TAFA5: variants seen among roughly 807,000 people sequenced by gnomAD.
The protein encoded by TAFA5 is chemokine-like protein TAFA-5.
TAFA5 carries 6 observed loss-of-function variants against 15.3 expected under a neutral mutation model. The observed-to-expected ratio is 0.39, with a 90% CI of 0.21 to 0.77. The LOEUF is 0.77. Among genes scored for constraint, TAFA5 ranks in the 30% least tolerant of loss-of-function variants. TAFA5 has a pLI of 0.41. For missense variants in TAFA5, 161 were observed against 193.1 expected, an observed-to-expected ratio of 0.83 and a Z score of 0.98; for synonymous variants, 103 against 80.7, an observed-to-expected ratio of 1.28 and a Z score of -1.48.
At chr22:48,666,688 G>A (rs1434375669) in intron 2 of TAFA5, among the ~76,000 whole-genome samples, 1 of 152,208 alleles carries the variant, frequency 6.6e-6, no homozygotes, top group African/African-American at 2.4e-5. Context: ...CCCCGTGACA[G>A]CGTCACACCG....
At chr22:48,593,625 T>C (rs1452466358) in intron 1 of TAFA5, among the ~76,000 whole-genome samples, 1 of 152,116 alleles carries the variant, frequency 6.6e-6, no homozygotes, top group African/African-American at 2.4e-5. Flanking sequence ...TTGCTTAAAA[T>C]TGCACCTTCA....
At position 48,552,643 on chromosome 22, in the gene TAFA5, C is replaced by G. The variant is rs1303864611; in HGVS notation, c.112+62939C>G. ...GGAGTTGCGGGCAGGGTGGGAGACC[C>G]CTTCCAGAGGGGCCCCTGTAGATTA... is the stretch of plus-strand genomic sequence containing the variant. On this transcript the variant is annotated intron_variant, in intron 1 of 3. Transcript: ENST00000402357. This position sits in a 1 kb window ranked among gnomAD's most constrained non-coding sequence, Gnocchi z 4.1. Among the ~76,000 whole-genome samples, 1 of 152,158 alleles carries G rather than the reference C, an allele frequency of 6.6e-6. No homozygotes were observed. Among genetic ancestry groups the G allele is most frequent in the East Asian group, 1.9e-4 (1 of 5,186 alleles).
At position 48,635,853 on chromosome 22, in the gene TAFA5, C is replaced by T. The variant is rs1442259245; in HGVS notation, c.113-10744C>T. Among the ~76,000 whole-genome samples the T allele has an allele frequency of 2.0e-5, 3 of 152,194 alleles. No homozygotes were observed. The East Asian group carries it at 5.8e-4, about 29-fold the overall frequency. ...GAGCAGCCCCAGTCATTGTTGTAAT[C>T]GCAGCCATTGTTGCTTTTTTATTTG... On this transcript the variant is annotated intron_variant, in intron 1 of 3. Transcript: ENST00000402357.
intron 1 of TAFA5, among the ~76,000 whole-genome samples, chr22:48,495,204 A>G (rs1928284599): frequency 6.6e-6 from 1 of 152,102 alleles, no homozygotes; most frequent in African/African-American, 2.4e-5. Context: ...AGGAGGCAGG[A>G]GTGGTGGAGC....
chr22:48,548,901 G>C (rs1922768184), intron 1 of TAFA5, among the ~76,000 whole-genome samples: 1 of 152,208 alleles, frequency 6.6e-6, no homozygotes, highest in African/African-American at 2.4e-5. Flanking sequence ...AAAGTCATTT[G>C]GTTTCACTGA....
rs1930440012 is a variant in TAFA5, at chr22:48,750,066, G to A, written c.*219G>A. ...GCCGGACTCAGACACATAGGCGGGGGGCGGCACCTGGCATCAGCAATACGC... is the reference window on the plus strand; with the variant it reads ...GCCGGACTCAGACACATAGGCGGGGAGCGGCACCTGGCATCAGCAATACGC... On this transcript the variant is annotated 3_prime_UTR_variant, in exon 4 of 4. Coordinates refer to ENST00000402357, the MANE Select transcript of TAFA5 (RefSeq NM_001082967.3). The A allele has an allele frequency of 1.7e-6, 1 of 593,890 alleles. No homozygotes were observed. Among genetic ancestry groups the A allele is most frequent in the Non-Finnish European group, 3.0e-6 (1 of 333,876 alleles). 36.8% of individuals were successfully genotyped at this position (593,890 alleles called of 1,614,324 possible). A position where few individuals can be genotyped will look rare whatever the true frequency, so the allele number is the denominator to read the frequency against.
intron 1 of TAFA5, among the ~76,000 whole-genome samples, chr22:48,590,850 CT>C (rs111655826): frequency 0.09 from 13,049 of 145,084 alleles, 640 homozygotes; most frequent in South Asian, 0.19. Context: ...ATGATTTGTT[CT>C]TTTTTTTTTT....
At chr22:48,648,306 T>C (rs1926935772) in intron 2 of TAFA5, among the ~76,000 whole-genome samples, 1 of 152,072 alleles carries the variant, frequency 6.6e-6, no homozygotes, top group African/African-American at 2.4e-5. Flanking sequence ...AAGGGTCCTT[T>C]CCTCCCCCAC....
chr22:48,700,920 G>T (rs552749604), intron 2 of TAFA5, among the ~76,000 whole-genome samples: 236 of 152,292 alleles, frequency 1.5e-3, no homozygotes, highest in Non-Finnish European at 2.6e-3. Context: ...CTCCTCCCAT[G>T]CCATCTGCCC....
At chr22:48,749,771 C>T (rs1930428058) in intron 3 of TAFA5, 68 bp from the exon 4 acceptor site, 11 of 1,536,196 alleles carry the variant, frequency 7.2e-6, no homozygotes, top group Non-Finnish European at 8.8e-6. Flanking sequence ...GGAAGAGGAG[C>T]CTGTGTTCCC....
At chr22:48,576,583 C>G in intron 1 of TAFA5, 1 of 1,447,542 alleles carries the variant, frequency 6.9e-7, no homozygotes, top group Non-Finnish European at 9.2e-7. Flanking sequence ...TAATTGTCCC[C>G]GGGCGCGCGG....
At position 48,751,250 on chromosome 22, in the gene TAFA5, C is replaced by T. The variant is rs1381383497; in HGVS notation, c.*1403C>T. 6.6e-6 allele frequency: 1 copy of T among 152,486 alleles called. No homozygotes were observed. Among genetic ancestry groups the T allele is most frequent in the Non-Finnish European group, 1.5e-5 (1 of 68,058 alleles). 9.4% of individuals were successfully genotyped at this position (152,486 alleles called of 1,614,324 possible). On this transcript the variant is annotated 3_prime_UTR_variant, in exon 4 of 4. Coordinates refer to ENST00000402357, the MANE Select transcript of TAFA5 (RefSeq NM_001082967.3). The stretch of plus-strand genomic sequence containing the variant: ...CTTGAGGCCAGTTGACGGCCCTTCT[C>T]CCCACGCCTGTGTCCCCGCGTTCTG...
intron 1 of TAFA5, among the ~76,000 whole-genome samples, chr22:48,491,620 C>G (rs1928157148): frequency 6.6e-6 from 1 of 152,264 alleles, no homozygotes; most frequent in South Asian, 2.1e-4. Flanking sequence ...CCGCGAGGAG[C>G]GCGGTACACA....
rs1477284629 is a variant in TAFA5, at chr22:48,560,182, TTC to T, written c.112+70482_112+70483del. Among the ~76,000 whole-genome samples the T allele has an allele frequency of 3.5e-4, 54 of 152,280 alleles. No individual in the cohort carries two copies. The highest frequency in any genetic ancestry group is 3.4e-3 in the Middle Eastern group (1 of 294). ...GTCACTGCTCTCAGCAGGGGACCGT[TTC>T]TCTAACGGGAGCCTGTCAGTTTCTG... On this transcript the variant is annotated intron_variant, in intron 1 of 3. Coordinates refer to ENST00000402357, the MANE Select transcript of TAFA5 (RefSeq NM_001082967.3). The surrounding 1 kb of genome is among the most constrained non-coding windows in gnomAD (Gnocchi z 4.2).
At chr22:48,589,527 G>A (rs988969699) in intron 1 of TAFA5, among the ~76,000 whole-genome samples, 2 of 152,122 alleles carry the variant, frequency 1.3e-5, no homozygotes, top group African/African-American at 4.8e-5. Flanking sequence ...GAAACCCAGG[G>A]TCGGTTGGAG....
In TAFA5 at chr22:48,636,422, T is replaced by TC. The variant is rs560101992; in HGVS notation, c.113-10173dup. On this transcript the variant is annotated intron_variant, in intron 1 of 3. Transcript: ENST00000402357. ...AACTTAAATATTGAGACTATGATAC[T>TC]CCATCAGATCTTAAAGAATGCATTT... Among the ~76,000 whole-genome samples the TC allele has an allele frequency of 3.9e-5, 6 of 152,340 alleles. No homozygotes were observed. In the East Asian group the frequency reaches 1.2e-3, roughly 29 times the overall value.
intron 3 of TAFA5, among the ~76,000 whole-genome samples, chr22:48,746,810 TTCCTCAGC>T (rs1455071352): frequency 6.6e-6 from 1 of 152,122 alleles, no homozygotes; most frequent in African/African-American, 2.4e-5. Flanking sequence ...GGCAGCCTGC[TTCCTCAGC>T]AGAGGGTCAG....
intron 2 of TAFA5, among the ~76,000 whole-genome samples, chr22:48,685,338 G>A (rs1928320336): frequency 6.6e-6 from 1 of 152,218 alleles, no homozygotes; most frequent in South Asian, 2.1e-4. Context: ...CAGACTCTTA[G>A]TGAAATCTCT....
chr22:48,654,508 T>G (rs1927168413), intron 2 of TAFA5, among the ~76,000 whole-genome samples: 1 of 152,180 alleles, frequency 6.6e-6, no homozygotes, highest in Non-Finnish European at 1.5e-5. Context: ...CTCCGTGTGA[T>G]TCGGGGACAG....
Sources: allele counts gnomAD v4.1 joint callset (sites outside exome capture counted in the v4.1 genomes callset), GRCh38; gene constraint gnomAD v4.1.1; non-coding constraint Gnocchi (gnomAD v3.1); transcripts MANE v1.5; gene names NCBI Gene and HGNC (gene_info 2026-07-23, HGNC 2026-07-21).